The following FZD3 variants were observed in gnomAD, a reference collection of about 807,000 sequenced individuals.
FZD3 encodes frizzled-3.
FZD3 carries 30 observed loss-of-function variants against 60.7 expected under a neutral mutation model. The ratio of observed to expected loss-of-function variants is 0.49; its 90% CI spans 0.37 to 0.67. FZD3 has a LOEUF of 0.67. FZD3 is among the 30% of genes least tolerant of loss of function. FZD3 has a pLI of 0.00. For missense variants in FZD3, 605 were observed against 838.7 expected (o/e 0.72, Z 3.44); for synonymous variants, 246 against 275.2 (o/e 0.89, Z 1.05).
At chr8:28,500,731 T>C (rs927544370) in intron 2 of FZD3, among the ~76,000 whole-genome samples, 3 of 152,172 alleles carry the variant, frequency 2.0e-5, no homozygotes, top group African/African-American at 7.2e-5. Flanking sequence ...GTAATTAAGA[T>C]AAATATGTTT....
chr8:28,546,842 G>A (rs1805305405), intron 5 of FZD3, among the ~76,000 whole-genome samples: 1 of 152,058 alleles, frequency 6.6e-6, no homozygotes, highest in Non-Finnish European at 1.5e-5. Context: ...GGGCATGGTG[G>A]CAGGCACCTG....
intron 2 of FZD3, among the ~76,000 whole-genome samples, chr8:28,501,890 G>C (rs953444049): frequency 5.9e-5 from 9 of 152,012 alleles, no homozygotes; most frequent in Non-Finnish European, 1.3e-4. Context: ...TTTTTGTACT[G>C]TCTAAAAAAT....
chr8:28,536,546 A>G (rs1805018837), intron 5 of FZD3, among the ~76,000 whole-genome samples: 1 of 152,160 alleles, frequency 6.6e-6, no homozygotes, highest in South Asian at 2.1e-4. Context: ...TATCTGTACT[A>G]AAAATACAAA....
At chr8:28,494,542 T>G (rs924933698) in intron 1 of FZD3, among the ~76,000 whole-genome samples, 199 bp downstream of exon 1, 1 of 151,940 alleles carries the variant, frequency 6.6e-6, no homozygotes, top group African/African-American at 2.4e-5. Flanking sequence ...GGCGCCGGAC[T>G]GTGGCGGGCT....
chr8:28,541,798 G>C (rs962920867), intron 5 of FZD3, among the ~76,000 whole-genome samples: 5 of 152,096 alleles, frequency 3.3e-5, no homozygotes, highest in African/African-American at 1.2e-4. Context: ...TCAGTAAATG[G>C]CATCATTATC....
chr8:28,536,656 C>T (rs1026374137), intron 5 of FZD3, among the ~76,000 whole-genome samples: 1 of 152,098 alleles, frequency 6.6e-6, no homozygotes, highest in South Asian at 2.1e-4. Flanking sequence ...TTGCAGTGAG[C>T]CAAGTTTGTA....
At chr8:28,512,705 C>G (rs1804320903) in intron 3 of FZD3, among the ~76,000 whole-genome samples, 1 of 151,874 alleles carries the variant, frequency 6.6e-6, no homozygotes, top group Non-Finnish European at 1.5e-5. Flanking sequence ...TAGGGAAGAA[C>G]TTGGTAAATA....
intron 1 of FZD3, among the ~76,000 whole-genome samples, chr8:28,498,871 G>GGA (rs914414803): frequency 6.6e-6 from 1 of 152,190 alleles, no homozygotes; most frequent in Non-Finnish European, 1.5e-5. Context: ...AGCCAGGAAT[G>GGA]TTTATCAAAA....
intron 5 of FZD3, among the ~76,000 whole-genome samples, chr8:28,538,962 A>G (rs1805091500): frequency 6.6e-6 from 1 of 152,044 alleles, no homozygotes; most frequent in African/African-American, 2.4e-5. Flanking sequence ...AAGAGAAAAT[A>G]AACATGGAAA....
intron 5 of FZD3, among the ~76,000 whole-genome samples, chr8:28,541,815 T>C (rs955372162): frequency 1.3e-5 from 2 of 152,240 alleles, no homozygotes; most frequent in African/African-American, 2.4e-5. Context: ...TATCCGCTAG[T>C]TGTTCAGATC....
At chr8:28,505,627 A>G (rs1428259447) in intron 3 of FZD3, among the ~76,000 whole-genome samples, 1 of 152,314 alleles carries the variant, frequency 6.6e-6, no homozygotes, top group East Asian at 1.9e-4. Context: ...GCTGGATTAT[A>G]GGCATGAGCC....
chr8:28,496,781 G>A (rs1207557819), intron 1 of FZD3, among the ~76,000 whole-genome samples: 1 of 152,178 alleles, frequency 6.6e-6, no homozygotes, highest in Non-Finnish European at 1.5e-5. Context: ...TGTATTGCAC[G>A]TGAAGTTTGA....
At chr8:28,560,638 T>C (rs568793582) in intron 7 of FZD3, among the ~76,000 whole-genome samples, 52 of 152,304 alleles carry the variant, frequency 3.4e-4, no homozygotes, top group African/African-American at 1.3e-3. Flanking sequence ...AAAAGATAAC[T>C]TTATATCATT....
chr8:28,507,006 C>T (rs1354544028), intron 3 of FZD3, among the ~76,000 whole-genome samples: 4 of 152,100 alleles, frequency 2.6e-5, no homozygotes, highest in Non-Finnish European at 5.9e-5. Context: ...AAACAAATTT[C>T]GTATATCAAA....
At chr8:28,510,940 G>A (rs943075443) in intron 3 of FZD3, among the ~76,000 whole-genome samples, 4 of 152,060 alleles carry the variant, frequency 2.6e-5, no homozygotes, top group African/African-American at 7.2e-5. Context: ...GGGAGGCTAA[G>A]ACAGGAGAAT....
chr8:28,550,000 G>A (rs1198657755), intron 5 of FZD3, among the ~76,000 whole-genome samples: 5 of 152,022 alleles, frequency 3.3e-5, no homozygotes, highest in Non-Finnish European at 1.5e-5. Flanking sequence ...TCTTTATGGA[G>A]GCTTTGTTAA....
intron 3 of FZD3, 64 bp downstream of exon 3, chr8:28,503,266 A>G: frequency 9.1e-6 from 8 of 882,974 alleles, no homozygotes; most frequent in Admixed American, 2.2e-5. Context: ...CCATCAGCCA[A>G]TCTAATGAAT....
chr8:28,572,241 T>C lies in FZD3; in HGVS notation c.*9230T>C, dbSNP rs1401263503. The C allele has an allele frequency of 6.6e-6, 1 of 152,180 alleles. No individual in the cohort carries two copies. Among genetic ancestry groups the C allele is most frequent in the East Asian group, 1.9e-4 (1 of 5,204 alleles). 9.4% of individuals were successfully genotyped at this position (152,180 alleles called of 1,614,324 possible). On this transcript the variant is annotated 3_prime_UTR_variant, in exon 8 of 8. Coordinates refer to ENST00000240093, the MANE Select transcript of FZD3 (RefSeq NM_017412.4). ...CTGAACTATCTGAAATTGCTGGTTTTATTGGTCAAAAATGATCAGATGCTA... is the reference window on the plus strand; with the variant it reads ...CTGAACTATCTGAAATTGCTGGTTTCATTGGTCAAAAATGATCAGATGCTA...
chr8:28,562,016 A>G (rs999833904), intron 7 of FZD3, among the ~76,000 whole-genome samples: 1 of 152,194 alleles, frequency 6.6e-6, no homozygotes, highest in Non-Finnish European at 1.5e-5. Flanking sequence ...GCTTTTCAAG[A>G]TAAGTGCAGA....
Sources: allele counts gnomAD v4.1 joint callset (sites outside exome capture counted in the v4.1 genomes callset), GRCh38; gene constraint gnomAD v4.1.1; transcripts MANE v1.5; gene names NCBI Gene and HGNC (gene_info 2026-07-23, HGNC 2026-07-21).